GALNT18: variants seen among roughly 807,000 people sequenced by gnomAD.
The protein encoded by GALNT18 is GalNAc-transferase 18.
A neutral mutation model predicts 69.5 loss-of-function variants in GALNT18; 44 were observed. That is an observed-to-expected ratio of 0.63 (90% CI 0.50 to 0.81). The LOEUF (loss-of-function observed/expected upper bound fraction) is 0.81. Ranked by LOEUF, GALNT18 falls within the 40% of genes least tolerant of loss-of-function variation. The pLI is 0.00. For synonymous variants in GALNT18, 364 were observed against 318.2 expected (o/e 1.14, Z -1.53); for missense variants, 715 against 810.0 (o/e 0.88, Z 1.42).
chr11:11,528,581 A>G (rs1857571015), intron 1 of GALNT18, among the ~76,000 whole-genome samples: 1 of 152,238 alleles, frequency 6.6e-6, no homozygotes, highest in African/African-American at 2.4e-5. Context: ...AGAGACTGAT[A>G]CTGTCAGATC....
In GALNT18 at chr11:11,435,441, C is replaced by T. The variant is rs779394124; in HGVS notation, c.429-2654G>A. On this transcript the variant is annotated intron_variant, in intron 2 of 10. Coordinates refer to ENST00000227756, the MANE Select transcript of GALNT18 (RefSeq NM_198516.3). This position sits in a 1 kb window ranked among gnomAD's most constrained non-coding sequence, Gnocchi z 4.4. ...ATAATAAGCTAAGCCCTGCTGATCA[C>T]GATTTTCACAAGAAAGACTTTTGAA... 4.7e-4 allele frequency among the ~76,000 whole-genome samples: 71 copies of T among 152,196 alleles called. No individual in the cohort carries two copies. Among genetic ancestry groups the T allele is most frequent in the Admixed American group, 8.5e-4 (13 of 15,274 alleles).
chr11:11,385,591 G>C (rs886605577), intron 3 of GALNT18, among the ~76,000 whole-genome samples: 15 of 151,998 alleles, frequency 9.9e-5, no homozygotes, highest in African/African-American at 3.6e-4. Context: ...CACCATGCCC[G>C]GCCTATTGGG....
chr11:11,528,603 A>C (rs545338462), intron 1 of GALNT18, among the ~76,000 whole-genome samples: 85 of 152,356 alleles, frequency 5.6e-4, no homozygotes, highest in Non-Finnish European at 1.1e-3. Flanking sequence ...TTTTGTTAAC[A>C]AATCTCCCTG....
In GALNT18 at chr11:11,614,126, T is replaced by C. The variant is rs574513155; in HGVS notation, c.235+7233A>G. Among the ~76,000 whole-genome samples the C allele has an allele frequency of 6.6e-6, 1 of 152,296 alleles. No individual in the cohort carries two copies. The highest frequency in any genetic ancestry group is 1.9e-4 in the East Asian group (1 of 5,190). On this transcript the variant is annotated intron_variant, in intron 1 of 10. Coordinates refer to ENST00000227756, the MANE Select transcript of GALNT18 (RefSeq NM_198516.3). The surrounding 1 kb of genome is among the most constrained non-coding windows in gnomAD (Gnocchi z 5.6). ...GACCCAAATCAAGACAATAGCTTTG[T>C]ATTAGTCCATTTTGCATTGCTATAA...
At chr11:11,409,749 G>C (rs529921665) in intron 3 of GALNT18, among the ~76,000 whole-genome samples, 1 of 152,174 alleles carries the variant, frequency 6.6e-6, no homozygotes, top group Non-Finnish European at 1.5e-5. Flanking sequence ...TACTATGTGA[G>C]TTGGAACGGG....
At chr11:11,352,569 G>A in intron 6 of GALNT18, 2 of 1,614,130 alleles carry the variant, frequency 1.2e-6, no homozygotes, top group Non-Finnish European at 1.7e-6. Flanking sequence ...TTCTTGGCCA[G>A]GATGATAAAA....
chr11:11,562,977 C>T lies in GALNT18; in HGVS notation c.235+58382G>A, dbSNP rs1168585627. ...AGAGACTCCCAGGAACTACATGCTT[C>T]CAACATGTGCTCTTTCTCTCCGTGC... is the stretch of plus-strand genomic sequence containing the variant. On this transcript the variant is annotated intron_variant, in intron 1 of 10. Coordinates refer to ENST00000227756, the MANE Select transcript of GALNT18 (RefSeq NM_198516.3). This position sits in a 1 kb window ranked among gnomAD's most constrained non-coding sequence, Gnocchi z 4.1. Among the ~76,000 whole-genome samples the T allele has an allele frequency of 6.6e-6, 1 of 152,142 alleles. No homozygotes were observed. The highest frequency in any genetic ancestry group is 2.4e-5 in the African/African-American group (1 of 41,426).
rs950002017 is a variant in GALNT18, at chr11:11,402,778, G to C, written c.596-23514C>G. On this transcript the variant is annotated intron_variant, in intron 3 of 10. Transcript: ENST00000227756. This position sits in a 1 kb window ranked among gnomAD's most constrained non-coding sequence, Gnocchi z 4.0. ...CTGCGGGTAAGAACAGCGTCTGCAG[G>C]AGGGAAATAGGAAGATATAAAAATA... Among the ~76,000 whole-genome samples, 1 of 152,240 alleles carries C rather than the reference G, an allele frequency of 6.6e-6. No individual in the cohort carries two copies. The highest frequency in any genetic ancestry group is 1.5e-5 in the Non-Finnish European group (1 of 68,048).
rs1414679374 is a variant in GALNT18, at chr11:11,563,028, T to C, written c.235+58331A>G. ...CTTCTACAATTTGCCAACTTGGTCCTGACGTTTTGTGCTTCATGGCTTCCC... is the reference window on the plus strand; with the variant it reads ...CTTCTACAATTTGCCAACTTGGTCCCGACGTTTTGTGCTTCATGGCTTCCC... On this transcript the variant is annotated intron_variant, in intron 1 of 10. Transcript: ENST00000227756. This position sits in a 1 kb window ranked among gnomAD's most constrained non-coding sequence, Gnocchi z 4.6. Among the ~76,000 whole-genome samples the C allele has an allele frequency of 6.6e-6, 1 of 152,188 alleles. No individual in the cohort carries two copies. Among genetic ancestry groups the C allele is most frequent in the Non-Finnish European group, 1.5e-5 (1 of 68,050 alleles).
intron 1 of GALNT18, among the ~76,000 whole-genome samples, chr11:11,521,823 G>C (rs549631327): frequency 6.6e-6 from 1 of 152,152 alleles, no homozygotes; most frequent in African/African-American, 2.4e-5. Flanking sequence ...AAGCCAACAC[G>C]CACTTCACCA....
chr11:11,313,222 G>A (rs765518744), intron 9 of GALNT18, among the ~76,000 whole-genome samples: 15 of 152,082 alleles, frequency 9.9e-5, no homozygotes, highest in Non-Finnish European at 2.2e-4. Flanking sequence ...CAGAGAAAGT[G>A]GAGAACCTTA....
At chr11:11,363,799 A>C (rs1850694776) in intron 6 of GALNT18, among the ~76,000 whole-genome samples, 1 of 152,156 alleles carries the variant, frequency 6.6e-6, no homozygotes, top group African/African-American at 2.4e-5. Flanking sequence ...CACTCACAGT[A>C]AGCTGGGTTC....
At chr11:11,312,173 G>A (rs1021945378) in intron 9 of GALNT18, among the ~76,000 whole-genome samples, 1 of 143,536 alleles carries the variant, frequency 7.0e-6, no homozygotes, top group Admixed American at 7.1e-5. Flanking sequence ...AGCCAGAATG[G>A]TCTCCTGACT....
chr11:11,510,044 A>C (rs952895439), intron 1 of GALNT18, among the ~76,000 whole-genome samples: 14 of 152,128 alleles, frequency 9.2e-5, no homozygotes, highest in Non-Finnish European at 1.2e-4. Flanking sequence ...CAGACACTTC[A>C]CTATGGCCCA....
rs990400384 is a variant in GALNT18 at position 11,480,809 on chromosome 11, G to T, written c.236-31873C>A. On this transcript the variant is annotated intron_variant, in intron 1 of 10. Coordinates refer to ENST00000227756, the MANE Select transcript of GALNT18 (RefSeq NM_198516.3). The surrounding 1 kb of genome is among the most constrained non-coding windows in gnomAD (Gnocchi z 4.6). ...GTTATTAAGTGCTATGTGATAGAAG[G>T]TTCTGTGGTGAAATGGCTAAGGGAA... 1.3e-5 allele frequency among the ~76,000 whole-genome samples: 2 copies of T among 152,156 alleles called. No homozygotes were observed. Among genetic ancestry groups the T allele is most frequent in the African/African-American group, 2.4e-5 (1 of 41,432 alleles).
intron 10 of GALNT18, among the ~76,000 whole-genome samples, chr11:11,283,919 C>T (rs942294773): frequency 5.9e-5 from 9 of 151,968 alleles, no homozygotes; most frequent in African/African-American, 1.9e-4. Context: ...AATAATAATT[C>T]CTAGAGCCAG....
At chr11:11,371,638 C>T (rs968311653) in intron 6 of GALNT18, among the ~76,000 whole-genome samples, 4 of 148,182 alleles carry the variant, frequency 2.7e-5, no homozygotes, top group Admixed American at 7.0e-5. Flanking sequence ...TGGGGGCCAT[C>T]GTGGGGAGGA....
rs574792514 is a variant in GALNT18, at chr11:11,436,939, G to C, written c.429-4152C>G. On this transcript the variant is annotated intron_variant, in intron 2 of 10. Transcript: ENST00000227756. This position sits in a 1 kb window ranked among gnomAD's most constrained non-coding sequence, Gnocchi z 4.5. ...GGCCTGGCAACCCAGCACTGACCCA[G>C]TGGCCTTTGCTCCCAAATCTGTACT... Among the ~76,000 whole-genome samples, 1 of 152,304 alleles carries C rather than the reference G, an allele frequency of 6.6e-6. No individual in the cohort carries two copies. The highest frequency in any genetic ancestry group is 6.5e-5 in the Admixed American group (1 of 15,298).
chr11:11,586,275 T>A lies in GALNT18; in HGVS notation c.235+35084A>T, dbSNP rs754686175. On this transcript the variant is annotated intron_variant, in intron 1 of 10. Coordinates refer to ENST00000227756, the MANE Select transcript of GALNT18 (RefSeq NM_198516.3). This position sits in a 1 kb window ranked among gnomAD's most constrained non-coding sequence, Gnocchi z 4.1. ...ACTTATGTTAATTTATGTAATTGGG[T>A]TTATTATTGCCATTGTTAAATAAAA... 6.6e-6 allele frequency among the ~76,000 whole-genome samples: 1 copy of A among 152,238 alleles called. No homozygotes were observed. The highest frequency in any genetic ancestry group is 1.5e-5 in the Non-Finnish European group (1 of 68,036).
Sources: gnomAD v4.1 joint callset for allele counts (sites outside exome capture counted in the v4.1 genomes callset) on GRCh38, gnomAD v4.1.1 for gene constraint, Gnocchi (gnomAD v3.1) non-coding constraint, MANE v1.5 for transcripts, NCBI Gene and HGNC (gene_info 2026-07-23, HGNC 2026-07-21) for gene names.